ST6GALNAC4: variants seen among roughly 807,000 people sequenced by gnomAD.
ST6GALNAC4 encodes alpha-N-acetyl-neuraminyl-2,3-beta-galactosyl-1,3-N-acetyl-galactosaminide alpha-2,6-sialyltransferase.
In ST6GALNAC4, 24 loss-of-function variants were observed where a neutral mutation model predicts 30.4. That is an observed-to-expected ratio of 0.79 (90% CI 0.57 to 1.11). The LOEUF (loss-of-function observed/expected upper bound fraction) is 1.11. Ranked by LOEUF, ST6GALNAC4 falls within the 50% of genes most tolerant of loss-of-function variation. The probability of loss-of-function intolerance (pLI) is 0.00; values close to 1 mark genes in which losing one functional copy is unlikely to be tolerated. For synonymous variants in ST6GALNAC4, 156 were observed against 179.7 expected, an observed-to-expected ratio of 0.87 and a Z score of 1.05; for missense variants, 365 against 430.1, an observed-to-expected ratio of 0.85 and a Z score of 1.34.
At chr9:127,909,250 G>T (rs147798490) in intron 5 of ST6GALNAC4, among the ~76,000 whole-genome samples, 28 of 152,084 alleles carry the variant, frequency 1.8e-4, no homozygotes, top group Non-Finnish European at 2.6e-4. Flanking sequence ...TTAGCTGGGC[G>T]TGGTGGCACG....
At position 127,908,529 on chromosome 9, in the gene ST6GALNAC4, C is replaced by T; in HGVS notation, c.772G>A (p.Asp258Asn). 3 of 1,604,552 alleles carry T rather than the reference C, an allele frequency of 1.9e-6. No individual in the cohort carries two copies. The highest frequency in any genetic ancestry group is 4.5e-5 in the East Asian group (2 of 44,500). Reference sequence around the variant, plus strand: ...TGTGCCAGGTACATCTGACACTCATCTAGCCGGCCCTTCTCAAAGTAGTGG... The same window carrying T: ...TGTGCCAGGTACATCTGACACTCATTTAGCCGGCCCTTCTCAAAGTAGTGG... ...PYHYFEKGRL[D>N]ECQMYLAHEQ... Residue 258 changes from aspartate to asparagine, a missense_variant, in exon 6 of 6, where the codon GAT becomes AAT. By Grantham distance (23) the Asp-to-Asn change is conservative (BLOSUM62 1). Coordinates refer to ENST00000335791, the MANE Select transcript of ST6GALNAC4 (RefSeq NM_175039.4).
At chr9:127,912,081 CTG>C (rs1015604238) in intron 4 of ST6GALNAC4, among the ~76,000 whole-genome samples, 185 bp downstream of exon 4, 2 of 152,228 alleles carry the variant, frequency 1.3e-5, no homozygotes, top group Non-Finnish European at 2.9e-5. Flanking sequence ...GATTCTAGAT[CTG>C]TGTGACAGTT....
intron 1 of ST6GALNAC4, 148 bp downstream of exon 1, chr9:127,916,678 C>T (rs1021125413): frequency 1.6e-5 from 9 of 568,344 alleles, no homozygotes; most frequent in Admixed American, 6.2e-5. Context: ...CAGGAATCAG[C>T]GACGTTTGCG....
chr9:127,912,609 C>A lies in ST6GALNAC4; in HGVS notation c.270G>T (p.Leu90=). Residue 90 remains leucine (L), a synonymous_variant, in exon 4 of 6, where the codon CTG becomes CTT. Coordinates refer to ENST00000335791, the MANE Select transcript of ST6GALNAC4 (RefSeq NM_175039.4). Reference sequence around the variant, plus strand: ...ACTCGGCACTGTCGATCTCAGCACCCAGGCCTGAGCCCAGCATTTGGCCGG... The same window carrying A: ...ACTCGGCACTGTCGATCTCAGCACCAAGGCCTGAGCCCAGCATTTGGCCGG... The part of the protein sequence containing the change: ...SSSGQMLGSG[L]GAEIDSAECV... 6.2e-7 allele frequency: 1 copy of A among 1,607,686 alleles called. No homozygotes were observed. The highest frequency in any genetic ancestry group is 1.1e-5 in the South Asian group (1 of 91,024).
chr9:127,915,683 C>T (rs1383297101), intron 2 of ST6GALNAC4, among the ~76,000 whole-genome samples: 1 of 152,184 alleles, frequency 6.6e-6, no homozygotes, highest in East Asian at 1.9e-4. Flanking sequence ...AGGGGAAGGG[C>T]TTGGTGGCAG....
At chr9:127,914,490 CAAAAAAAAAA>C (rs60857050) in intron 3 of ST6GALNAC4, among the ~76,000 whole-genome samples, 156 bp downstream of exon 3, 41 of 50,136 alleles carry the variant, frequency 8.2e-4, no homozygotes, top group African/African-American at 2.0e-3. Context: ...GACTCCGTCT[CAAAAAAAAAA>C]AAAAAAAAAA....
At chr9:127,914,899 T>G in intron 2 of ST6GALNAC4, 58 bp from the exon 3 acceptor site, 8 of 1,399,904 alleles carry the variant, frequency 5.7e-6, no homozygotes, top group Middle Eastern at 2.7e-4. Flanking sequence ...CAGAAGCCCC[T>G]TCAGCGCTGC....
intron 2 of ST6GALNAC4, 153 bp downstream of exon 2, chr9:127,916,255 G>A: frequency 1.0e-6 from 1 of 977,172 alleles, no homozygotes; most frequent in Non-Finnish European, 1.6e-6. Context: ...CGGTCTGCAA[G>A]AACAGGGTTG....
At chr9:127,916,236 G>A (rs1168834180) in intron 2 of ST6GALNAC4, 172 bp downstream of exon 2, 1 of 810,262 alleles carries the variant, frequency 1.2e-6, no homozygotes, top group Non-Finnish European at 2.1e-6. Flanking sequence ...CCACCTGCCT[G>A]GGGCCACACG....
intron 4 of ST6GALNAC4, 50 bp from the exon 5 acceptor site, chr9:127,910,108 G>A: frequency 6.3e-7 from 1 of 1,597,860 alleles, no homozygotes; most frequent in Non-Finnish European, 8.5e-7. Flanking sequence ...AGGCCATGTG[G>A]TAGCTCCAGG....
At chr9:127,912,840 C>G (rs1831112242) in intron 3 of ST6GALNAC4, among the ~76,000 whole-genome samples, 160 bp from the exon 4 acceptor site, 1 of 152,164 alleles carries the variant, frequency 6.6e-6, no homozygotes. Flanking sequence ...GGATGACTTT[C>G]CCGAGATCAC....
intron 2 of ST6GALNAC4, among the ~76,000 whole-genome samples, chr9:127,915,279 G>A (rs774113100): frequency 1.3e-5 from 2 of 152,158 alleles, no homozygotes; most frequent in Non-Finnish European, 2.9e-5. Context: ...ACGGGAGGGG[G>A]GCAGTGAAAG....
Position 127,910,070 on chromosome 9 carries a change from G to A in ST6GALNAC4, c.612-12C>T, listed in dbSNP as rs369939675. The A allele has an allele frequency of 1.4e-5, 22 of 1,611,048 alleles. No individual in the cohort carries two copies. Among genetic ancestry groups the A allele is most frequent in the East Asian group, 4.5e-5 (2 of 44,812 alleles). On this transcript the variant is annotated splice_polypyrimidine_tract_variant and intron_variant, in intron 4 of 5. Coordinates refer to ENST00000335791, the MANE Select transcript of ST6GALNAC4 (RefSeq NM_175039.4). ...AGCCCGACTGCCTCCTGGGGGTGGC[G>A]GGGGGACAGGGGGACGCTGTCAACA... is the stretch of plus-strand genomic sequence containing the variant.
intron 2 of ST6GALNAC4, 22 bp from the exon 3 acceptor site, chr9:127,914,863 G>A (rs200897291): frequency 6.9e-7 from 1 of 1,452,674 alleles, no homozygotes; most frequent in South Asian, 1.5e-5. Context: ...AGTGGCCATG[G>A]GGGGGTGTAT....
chr9:127,908,919 C>A (rs1831005133), intron 5 of ST6GALNAC4, among the ~76,000 whole-genome samples: 1 of 152,122 alleles, frequency 6.6e-6, no homozygotes, highest in Non-Finnish European at 1.5e-5. Flanking sequence ...TGGTCCTGGG[C>A]TCCTGGTGAG....
At chr9:127,915,012 G>T in intron 2 of ST6GALNAC4, 171 bp from the exon 3 acceptor site, 1 of 522,462 alleles carries the variant, frequency 1.9e-6, no homozygotes, top group South Asian at 4.6e-5. Context: ...GGGATGCCAA[G>T]CTCTGGGCAC....
intron 1 of ST6GALNAC4, 78 bp downstream of exon 1, chr9:127,916,748 C>G (rs985411210): frequency 4.1e-6 from 2 of 483,944 alleles, no homozygotes; most frequent in African/African-American, 3.9e-5. Context: ...AGCGAGGAGG[C>G]GCCCCCAGCT....
At chr9:127,914,867 G>T in intron 2 of ST6GALNAC4, 26 bp from the exon 3 acceptor site, 1 of 1,441,796 alleles carries the variant, frequency 6.9e-7, no homozygotes, top group East Asian at 2.6e-5. Flanking sequence ...GCCATGGGGG[G>T]GTGTATGTGG....
Position 127,912,520 on chromosome 9 carries a change from G to T in ST6GALNAC4, c.359C>A (p.Thr120Asn). Reference sequence around the variant, plus strand: ...GCTTGTGTGTGAGACGACACGCAGGGTGCTGCGCTGGCCCACATCCGCCTC... The same window carrying T: ...GCTTGTGTGTGAGACGACACGCAGGTTGCTGCGCTGGCCCACATCCGCCTC... ...GFEADVGQRS[T>N]LRVVSHTSVP... is the part of the protein sequence containing the mutation. Residue 120 changes from threonine (T) to asparagine (N), a missense_variant, in exon 4 of 6, where the codon ACC (threonine) becomes AAC (asparagine). Physicochemically the swap from Thr to Asn is moderately conservative, Grantham distance 65. Coordinates refer to ENST00000335791, the MANE Select transcript of ST6GALNAC4 (RefSeq NM_175039.4). 1 of 1,613,842 alleles carries T rather than the reference G, an allele frequency of 6.2e-7. No homozygotes were observed. The highest frequency in any genetic ancestry group is 8.5e-7 in the Non-Finnish European group (1 of 1,179,950).
Sources: gnomAD v4.1 joint callset for allele counts (sites outside exome capture counted in the v4.1 genomes callset) on GRCh38, gnomAD v4.1.1 for gene constraint, MANE v1.5 for transcripts, NCBI Gene and HGNC (gene_info 2026-07-23, HGNC 2026-07-21) for gene names.